The following SYNE1 variants were observed in gnomAD, a reference collection of about 807,000 sequenced individuals.
SYNE1 encodes spectrin repeat containing nuclear envelope protein 1.
A neutral mutation model predicts 1,111.0 loss-of-function variants in SYNE1; 616 were observed. The observed-to-expected ratio is 0.55, with a 90% CI of 0.52 to 0.59. The LOEUF is 0.59. SYNE1 is among the 20% of genes least tolerant of loss of function. The pLI, the probability that SYNE1 is intolerant of heterozygous loss-of-function variation, is 0.00. For missense variants in SYNE1, 10,006 were observed against 10,417.0 expected, an observed-to-expected ratio of 0.96 and a Z score of 1.72; for synonymous variants, 3,855 against 3,825.8, an observed-to-expected ratio of 1.01 and a Z score of -0.28.
chr6:152,413,591 T>C, intron 41 of SYNE1, 60 bp from the exon 42 acceptor site: 1 of 1,553,494 alleles, frequency 6.4e-7, no homozygotes, highest in Non-Finnish European at 8.9e-7. Flanking sequence ...GAATATTTCT[T>C]CTCCGTAAGT....
chr6:152,622,311 G>A (rs1348933791), intron 3 of SYNE1, among the ~76,000 whole-genome samples: 3 of 152,062 alleles, frequency 2.0e-5, no homozygotes, highest in African/African-American at 7.2e-5. Flanking sequence ...GTGCAGGTAT[G>A]TTACATAGGT....
intron 29 of SYNE1, 90 bp from the exon 30 acceptor site, chr6:152,444,668 A>C: frequency 8.3e-7 from 1 of 1,200,128 alleles, no homozygotes; most frequent in Non-Finnish European, 1.2e-6. Flanking sequence ...ATTGACAAAT[A>C]AACATTGTAC....
intron 3 of SYNE1, among the ~76,000 whole-genome samples, chr6:152,544,171 C>T (rs1347085147): frequency 6.6e-6 from 1 of 152,126 alleles, no homozygotes; most frequent in Non-Finnish European, 1.5e-5. Flanking sequence ...ATGACAGCAG[C>T]GTCAGGGTAG....
At chr6:152,372,111 G>T in intron 59 of SYNE1, among the ~76,000 whole-genome samples, 1 of 152,130 alleles carries the variant, frequency 6.6e-6, no homozygotes, top group East Asian at 1.9e-4. Flanking sequence ...AGATAACCTT[G>T]TAATCAATGC....
chr6:152,530,303 A>C (rs188241376), intron 4 of SYNE1, among the ~76,000 whole-genome samples: 493 of 152,320 alleles, frequency 3.2e-3, no homozygotes, highest in Non-Finnish European at 5.7e-3. Context: ...TACTTGCAAC[A>C]AAATGAGGCA....
intron 119 of SYNE1, 135 bp downstream of exon 119, chr6:152,220,707 C>CT: frequency 2.5e-6 from 2 of 814,976 alleles, no homozygotes; most frequent in East Asian, 5.0e-5. Flanking sequence ...CAGGCAGGCT[C>CT]TTTGATCCTA....
chr6:152,335,388 CTTA>C (rs1444872679), intron 76 of SYNE1: 1 of 152,020 alleles, frequency 6.6e-6, no homozygotes, highest in Non-Finnish European at 1.5e-5. Flanking sequence ...TTTAAATTTG[CTTA>C]TTAAGACATT....
rs766339120 is a variant in SYNE1, at chr6:152,430,529, G to A, written c.4642C>T (p.Leu1548=). The stretch of plus-strand genomic sequence containing the variant: ...TTTTGCTGCTGAGATAAATGTCCCA[G>A]GATTGTTCCTTCCAGACACTGTGCA... ...EHAQCLEGTI[L]GHLSQQQKFE... is the part of the protein sequence containing the mutation. Residue 1548 remains leucine, a synonymous_variant, in exon 35 of 146, where the codon CTG becomes TTG. Transcript: ENST00000367255. 5 of 1,614,054 alleles carry A rather than the reference G, an allele frequency of 3.1e-6. No homozygotes were observed. In the South Asian group the frequency reaches 5.5e-5, roughly 18 times the overall value.
Position 152,214,748 on chromosome 6 carries a change from T to G in SYNE1, c.22346+158A>C, listed in dbSNP as rs1218701162. Among the ~76,000 whole-genome samples, 3 of 152,222 alleles carry G rather than the reference T, an allele frequency of 2.0e-5. No individual in the cohort carries two copies. The East Asian group carries it at 5.8e-4, about 29-fold the overall frequency. On this transcript the variant is annotated intron_variant, in intron 122 of 145. Transcript: ENST00000367255. The stretch of plus-strand genomic sequence containing the variant: ...GCAGCCCTCACCAGACAACTGAATC[T>G]GCTAGCACCTTGACTGCGGACTTCC...
intron 3 of SYNE1, among the ~76,000 whole-genome samples, chr6:152,543,742 T>C (rs2099287715): frequency 1.3e-5 from 2 of 152,228 alleles, no homozygotes; most frequent in South Asian, 4.1e-4. Context: ...TGTCCTGCCA[T>C]TGTAGGGCAA....
At chr6:152,160,995 T>C (rs1203007387) in intron 131 of SYNE1, among the ~76,000 whole-genome samples, 3 of 151,674 alleles carry the variant, frequency 2.0e-5, no homozygotes, top group African/African-American at 7.3e-5. Flanking sequence ...ATACGTGTAA[T>C]CTTCCACAAA....
In SYNE1 at chr6:152,362,216, T is replaced by C. The variant is rs2096944052; in HGVS notation, c.10253A>G (p.Gln3418Arg). Residue 3418 changes from glutamine (Q) to arginine (R), a missense_variant, in exon 64 of 146, where the codon CAG (glutamine) becomes CGG (arginine). Physicochemically the swap from Gln to Arg is conservative, Grantham distance 43. Coordinates refer to ENST00000367255, the MANE Select transcript of SYNE1 (RefSeq NM_182961.4). ...MEANLNESER[Q>R]HAELRDKTTM... ...TGTTTTATCCCGCAGCTCCGCATGC[T>C]GCCTTTCTGATTCATTCAGGTTGGC... The C allele has an allele frequency of 6.2e-7, 1 of 1,614,256 alleles. No individual in the cohort carries two copies. The highest frequency in any genetic ancestry group is 8.5e-7 in the Non-Finnish European group (1 of 1,180,048).
intron 2 of SYNE1, among the ~76,000 whole-genome samples, chr6:152,634,384 G>A (rs2099702752): frequency 6.6e-6 from 1 of 152,140 alleles, no homozygotes. Context: ...AAAATTTTTA[G>A]TCATGAATAA....
At chr6:152,494,659 C>T (rs1164124257) in intron 11 of SYNE1, among the ~76,000 whole-genome samples, 1 of 152,150 alleles carries the variant, frequency 6.6e-6, no homozygotes, top group Non-Finnish European at 1.5e-5. Context: ...AATATGCCTT[C>T]CATATCCTGC....
At chr6:152,290,188 G>A (rs1024551797) in intron 95 of SYNE1, among the ~76,000 whole-genome samples, 5 of 152,288 alleles carry the variant, frequency 3.3e-5, no homozygotes, top group South Asian at 4.1e-4. Context: ...TAATAAGGTC[G>A]CAATGACAGA....
At chr6:152,280,712 T>C (rs924380186) in intron 97 of SYNE1, among the ~76,000 whole-genome samples, 1 of 152,200 alleles carries the variant, frequency 6.6e-6, no homozygotes, top group Non-Finnish European at 1.5e-5. Context: ...GGGTGGTAAC[T>C]TCAAGTGCCA....
intron 3 of SYNE1, among the ~76,000 whole-genome samples, chr6:152,605,901 T>C (rs2099613606): frequency 6.6e-6 from 1 of 152,170 alleles, no homozygotes; most frequent in Non-Finnish European, 1.5e-5. Flanking sequence ...GCGGAGTATG[T>C]TATTCAAGTA....
Position 152,398,642 on chromosome 6 carries a change from C to T in SYNE1, c.7327G>A (p.Glu2443Lys). 1 of 1,613,950 alleles carries T rather than the reference C, an allele frequency of 6.2e-7. No individual in the cohort carries two copies. The highest frequency in any genetic ancestry group is 8.5e-7 in the Non-Finnish European group (1 of 1,179,876). ...ACCTGAAGATCATGGAGCTTTGCTTCTAGAACTTTGCTGTCACCGGTGCGA... is the reference window on the plus strand; with the variant it reads ...ACCTGAAGATCATGGAGCTTTGCTTTTAGAACTTTGCTGTCACCGGTGCGA... ...SDRTGDSKVL[E>K]AKLHDLQNIL... is the part of the protein sequence containing the mutation. The change falls in exon 49 of 146, where the codon GAA becomes AAA. Residue 2443 changes from glutamate (E) to lysine (K), a missense_variant. By Grantham distance (56) the Glu-to-Lys change is moderately conservative (BLOSUM62 1). Around this residue, in one of 7 missense-constraint regions of SYNE1, gnomAD observed 4,955 missense variants for 5,017.2 expected, o/e 0.99. Transcript: ENST00000367255.
chr6:152,571,747 AGGCATTTTCCCT>A (rs1481430583), intron 3 of SYNE1, among the ~76,000 whole-genome samples: 1 of 152,218 alleles, frequency 6.6e-6, no homozygotes, highest in African/African-American at 2.4e-5. Flanking sequence ...GTGACGAAAG[AGGCATTTTCCCT>A]GGCAGAGAAA....
Sources: gnomAD v4.1 joint callset for allele counts (sites outside exome capture counted in the v4.1 genomes callset) on GRCh38, gnomAD v4.1.1 for gene constraint, gnomAD v4.1.1 regional missense constraint, MANE v1.5 for transcripts, NCBI Gene and HGNC (gene_info 2026-07-23, HGNC 2026-07-21) for gene names.